The following SNRPN variants were observed in gnomAD, a reference collection of about 807,000 sequenced individuals.
SNRPN encodes small nuclear ribonucleoprotein polypeptide N.
In SNRPN, 7 loss-of-function variants were observed where a neutral mutation model predicts 25.2. That is an observed-to-expected ratio of 0.28 (90% CI 0.16 to 0.52). The LOEUF (loss-of-function observed/expected upper bound fraction) is 0.52, where lower values mean the gene tolerates loss of function less well. Ranked by LOEUF, SNRPN falls within the 20% of genes least tolerant of loss-of-function variation. The pLI is 0.96. For synonymous variants in SNRPN, 124 were observed against 110.6 expected (o/e 1.12, Z -0.76); for missense variants, 196 against 322.5 (o/e 0.61, Z 3.00).
At chr15:24,965,303 G>A (rs565653173) in intron 2 of SNRPN, among the ~76,000 whole-genome samples, 4 of 152,096 alleles carry the variant, frequency 2.6e-5, no homozygotes, top group Admixed American at 6.6e-5. Context: ...TTTGGGAGGC[G>A]AAGGTGGGCA....
chr15:24,947,359 G>A (rs545616809), intron 3 of SNRPN, among the ~76,000 whole-genome samples: 6 of 152,182 alleles, frequency 3.9e-5, no homozygotes, highest in African/African-American at 7.2e-5. Context: ...GGCTGGGTGC[G>A]GTGGCTCACG....
At chr15:24,845,594 G>A (rs1420878003) in intron 2 of SNRPN, among the ~76,000 whole-genome samples, 2 of 151,766 alleles carry the variant, frequency 1.3e-5, no homozygotes, top group East Asian at 1.9e-4. Context: ...GCAAAACTCC[G>A]TCTCAAAAAA....
Position 24,937,688 on chromosome 15 carries a change from T to C in SNRPN, c.-391+17564T>C, listed in dbSNP as rs139079424. Among the ~76,000 whole-genome samples the C allele has an allele frequency of 1.3e-3, 198 of 152,332 alleles. 2 individuals carry two copies. The highest frequency in any genetic ancestry group is 4.5e-3 in the African/African-American group (186 of 41,580). Reference sequence around the variant, plus strand: ...GGCACTAAGTGCATTCACATTGATGTGCAACCATCACCACTGTCTAGCTCT... The same window carrying C: ...GGCACTAAGTGCATTCACATTGATGCGCAACCATCACCACTGTCTAGCTCT... On this transcript the variant is annotated intron_variant, in intron 3 of 11. Coordinates refer to the SNRPN transcript ENST00000400097.
chr15:24,936,071 T>C (rs1404256238), intron 3 of SNRPN, among the ~76,000 whole-genome samples: 3 of 151,400 alleles, frequency 2.0e-5, no homozygotes, highest in Non-Finnish European at 4.4e-5. Context: ...GCCGAGATCA[T>C]GCCACTGCAC....
intron 1 of SNRPN, among the ~76,000 whole-genome samples, chr15:24,873,330 CTTT>C (rs540776442): frequency 2.8e-5 from 3 of 105,810 alleles, no homozygotes; most frequent in Admixed American, 1.1e-4. Flanking sequence ...GTTTTTGTTT[CTTT>C]TTTTTTTTTT....
At chr15:24,830,525 T>G (rs777830907) in intron 2 of SNRPN, among the ~76,000 whole-genome samples, 17 of 152,236 alleles carry the variant, frequency 1.1e-4, no homozygotes, top group Admixed American at 3.9e-4. Context: ...AAAATTTAGA[T>G]GTTTGAATTT....
intron 2 of SNRPN, among the ~76,000 whole-genome samples, chr15:24,903,831 G>A (rs369146607): frequency 1.3e-5 from 2 of 152,032 alleles, no homozygotes; most frequent in Admixed American, 6.6e-5. Flanking sequence ...CCAGGAGTTC[G>A]AGACCAGCTT....
rs1475790430 is a variant in SNRPN at position 24,869,885 on chromosome 15, C to T, written c.-579+13169C>T. On this transcript the variant is annotated intron_variant, in intron 1 of 11. Coordinates refer to the SNRPN transcript ENST00000400097. ...GGACCTAAAACAAGAGTTGAGAACT[C>T]TTTACTGTATACAGTTGGCCTGTTC... Among the ~76,000 whole-genome samples, 3 of 152,272 alleles carry T rather than the reference C, an allele frequency of 2.0e-5. No homozygotes were observed. The East Asian group carries it at 5.8e-4, about 29-fold the overall frequency.
At chr15:24,828,114 A>G (rs978358331) in intron 1 of SNRPN, among the ~76,000 whole-genome samples, 1 of 152,122 alleles carries the variant, frequency 6.6e-6, no homozygotes, top group African/African-American at 2.4e-5. Flanking sequence ...TTAACACAAT[A>G]TTGAGATTAA....
chr15:24,950,369 G>A (rs558225549), upstream of SNRPN, among the ~76,000 whole-genome samples: 228 of 151,686 alleles, frequency 1.5e-3, 1 homozygote, highest in African/African-American at 5.0e-3. Context: ...TAGAGATGGG[G>A]TTTCACTGTG....
intron 1 of SNRPN, among the ~76,000 whole-genome samples, chr15:24,858,838 G>T (rs997746196): frequency 6.6e-6 from 1 of 151,936 alleles, no homozygotes; most frequent in Non-Finnish European, 1.5e-5. Context: ...CTGATCAATC[G>T]TTTATTCTTT....
chr15:24,848,271 G>GGCGGCGGCGGGGGCGGGGGCGGCGGC (rs2052430348), intron 2 of SNRPN: 1 of 149,542 alleles, frequency 6.7e-6, no homozygotes, highest in African/African-American at 2.5e-5. Context: ...CGGGGGCGGG[G>GGCGGCGGCGGGGGCGGGGGCGGCGGC]GCAGATCCTA....
At chr15:24,914,422 T>C (rs1239111535) in intron 2 of SNRPN, among the ~76,000 whole-genome samples, 2 of 152,146 alleles carry the variant, frequency 1.3e-5, no homozygotes, top group Non-Finnish European at 2.9e-5. Context: ...AGGCCAGGTG[T>C]GGTGGCTTAT....
In SNRPN at chr15:24,978,332, T is replaced by C; in HGVS notation, c.685+14T>C. 1 of 1,614,094 alleles carries C rather than the reference T, an allele frequency of 6.2e-7. No individual in the cohort carries two copies. The highest frequency in any genetic ancestry group is 1.1e-5 in the South Asian group (1 of 91,070). The stretch of plus-strand genomic sequence containing the variant: ...CAGGCATTAGAGGTGAGTGGGAGCA[T>C]AGGGGTTTGATGGTTCAGCCAGGCC... On this transcript the variant is annotated intron_variant, in intron 9 of 9. Coordinates refer to ENST00000390687, the MANE Select transcript of SNRPN (RefSeq NM_003097.6).
chr15:24,915,968 CT>C (rs35835568), intron 2 of SNRPN, among the ~76,000 whole-genome samples: 21,876 of 96,500 alleles, frequency 0.23, 685 homozygotes, highest in Admixed American at 0.29. Context: ...GCCAGGTTGA[CT>C]TTTTTTTTTT....
At chr15:24,918,245 T>A (rs1279651488) in intron 2 of SNRPN, among the ~76,000 whole-genome samples, 1 of 150,532 alleles carries the variant, frequency 6.6e-6, no homozygotes, top group African/African-American at 2.4e-5. Context: ...TACAGCAAAT[T>A]TGCCACAGTA....
intron 1 of SNRPN, among the ~76,000 whole-genome samples, chr15:24,880,642 G>T (rs1448815101): frequency 2.6e-5 from 4 of 152,102 alleles, no homozygotes; most frequent in Admixed American, 2.0e-4. Flanking sequence ...GGAGCCTGAT[G>T]AATTTTTTAA....
At chr15:24,974,491 G>A in intron 4 of SNRPN, 35 bp downstream of exon 4, 5 of 1,607,888 alleles carry the variant, frequency 3.1e-6, no homozygotes, top group Non-Finnish European at 4.3e-6. Context: ...GTTGAAATGT[G>A]CTGTAAGGGC....
At chr15:24,934,485 G>A (rs71461575) in intron 3 of SNRPN, among the ~76,000 whole-genome samples, 3,645 of 152,116 alleles carry the variant, frequency 0.024, 68 homozygotes, top group Non-Finnish European at 0.036. Context: ...GTGAGTGATC[G>A]TCCTCAAAGC....
Sources: gnomAD v4.1 joint callset for allele counts (sites outside exome capture counted in the v4.1 genomes callset) on GRCh38, gnomAD v4.1.1 for gene constraint, MANE v1.5 for transcripts, NCBI Gene and HGNC (gene_info 2026-07-23, HGNC 2026-07-21) for gene names.